COL6A2: variants seen among roughly 807,000 people sequenced by gnomAD.
COL6A2 encodes the protein collagen type VI alpha 2 chain, also known as collagen alpha-2(VI) chain.
COL6A2 carries 90 observed loss-of-function variants against 124.9 expected under a neutral mutation model. The ratio of observed to expected loss-of-function variants is 0.72; its 90% confidence interval spans 0.61 to 0.86. The LOEUF (loss-of-function observed/expected upper bound fraction) is 0.86. Among genes scored for constraint, COL6A2 ranks in the 40% least tolerant of loss-of-function variants. The pLI, the probability that COL6A2 is intolerant of heterozygous loss-of-function variation, is 0.00. For missense variants in COL6A2, 1,607 were observed against 1,502.5 expected, an observed-to-expected ratio of 1.07 and a Z score of -1.15; for synonymous variants, 793 against 618.2, an observed-to-expected ratio of 1.28 and a Z score of -4.19.
intron 27 of COL6A2, among the ~76,000 whole-genome samples, chr21:46,130,429 G>T (rs907796018): frequency 2.0e-5 from 3 of 152,204 alleles, no homozygotes; most frequent in Admixed American, 6.5e-5. Flanking sequence ...ATCCAGGCTG[G>T]GCTCCTGCCG....
rs139401048 is a variant in COL6A2, at chr21:46,107,695, T to G, written c.-27-3755T>G. On this transcript the variant is annotated intron_variant, in intron 1 of 27. Transcript: ENST00000300527. ...TTTTATCTTAACCTGAGCATTTCCT[T>G]TCTATGATCCCAGGTCTTTAGACAA... Among the ~76,000 whole-genome samples the G allele has an allele frequency of 3.3e-4, 51 of 152,344 alleles. No individual in the cohort carries two copies. The East Asian group carries it at 9.4e-3, about 28-fold the overall frequency.
At chr21:46,121,535 G>A (rs1426042192) in intron 17 of COL6A2, 21 bp from the exon 18 acceptor site, 2 of 1,612,522 alleles carry the variant, frequency 1.2e-6, no homozygotes, top group South Asian at 2.2e-5. Flanking sequence ...GCTGACTTCT[G>A]AATTTCTCTC....
rs13050660 is a variant in COL6A2 at position 46,126,330 on chromosome 21, T to C, written c.2422+93T>C. 894,665 of 1,519,350 alleles carry C rather than the reference T, an allele frequency of 0.59. 265,547 individuals carry two copies. The highest frequency in any genetic ancestry group is 0.69 in the Admixed American group (41,156 of 59,576). The allele number at this position is 1,519,350 out of a possible 1,614,324, so 94.1% of individuals were successfully genotyped here. ...CCAGGGACACCCCTCACCTGAGGGA[T>C]GAATGTGCAGCCCAGGATCTTGGGC... On this transcript the variant is annotated intron_variant, in intron 26 of 27. Transcript: ENST00000300527.
intron 21 of COL6A2, among the ~76,000 whole-genome samples, chr21:46,124,312 GGTGGATGGGTGGGC>G (rs1254402914): frequency 1.3e-5 from 2 of 150,226 alleles, no homozygotes; most frequent in African/African-American, 5.0e-5. Flanking sequence ...TGGGCGAATG[GGTGGATGGGTGGGC>G]GTGGAGTTGG....
Position 46,132,239 on chromosome 21 carries a change from AC to A in COL6A2, c.2748del (p.His916GlnfsTer124). 1 of 1,602,392 alleles carries A rather than the reference AC, an allele frequency of 6.2e-7. No homozygotes were observed. Among genetic ancestry groups the A allele is most frequent in the East Asian group, 2.3e-5 (1 of 44,320 alleles). On this transcript the variant is annotated frameshift_variant, in exon 28 of 28. Coordinates refer to ENST00000300527, the MANE Select transcript of COL6A2 (RefSeq NM_001849.4). LOFTEE classifies it high-confidence loss of function. Reference sequence around the variant, plus strand: ...ACACAATACCTGAACTCCTTCTCGCACGTGGGCGCAGGCGTGGTGCACGCCA... The same window carrying A: ...ACACAATACCTGAACTCCTTCTCGCAGTGGGCGCAGGCGTGGTGCACGCCA... Reference protein sequence around the residue: ...ETTQYLNSFSHVGAGVVHAIN... With the variant: ...ETTQYLNSFSXVGAGVVHAIN...
intron 27 of COL6A2, among the ~76,000 whole-genome samples, chr21:46,130,888 G>A (rs1282101086): frequency 2.0e-5 from 3 of 152,202 alleles, no homozygotes; most frequent in African/African-American, 4.8e-5. Context: ...CTGCCAGCTC[G>A]TGCGTGCTCA....
chr21:46,112,760 G>T (rs1164900302), intron 3 of COL6A2, 44 bp from the exon 4 acceptor site: 2 of 1,613,608 alleles, frequency 1.2e-6, no homozygotes, highest in Non-Finnish European at 1.7e-6. Context: ...GCCGCCCCAG[G>T]TCTCGAGGCA....
chr21:46,116,140 C>T lies in COL6A2; in HGVS notation c.900+87C>T, dbSNP rs2078466820. ...CCCCCCAGCCCAGCCTCGGCCTCAG[C>T]CTCTACGACCCTCCCCCCAGTTACC... On this transcript the variant is annotated intron_variant, in intron 7 of 27. Transcript: ENST00000300527. This position sits in a 1 kb window ranked among gnomAD's most constrained non-coding sequence, Gnocchi z 4.6. 8.9e-6 allele frequency: 12 copies of T among 1,344,236 alleles called. No homozygotes were observed. In the South Asian group the frequency reaches 1.5e-4, roughly 17 times the overall value. The allele number at this position is 1,344,236 out of a possible 1,614,324, so 83.3% of individuals were successfully genotyped here.
chr21:46,118,396 A>C (rs2070577), intron 12 of COL6A2, among the ~76,000 whole-genome samples: 1 of 152,096 alleles, frequency 6.6e-6, no homozygotes, highest in Non-Finnish European at 1.5e-5. Flanking sequence ...GAGTCCTCTG[A>C]GCAGATGCAC....
At chr21:46,114,165 A>G (rs1017780384) in intron 5 of COL6A2, 92 bp downstream of exon 5, 73 of 1,074,340 alleles carry the variant, frequency 6.8e-5, no homozygotes, top group East Asian at 5.7e-4. Flanking sequence ...GGTGGCTCAT[A>G]CCTGTAATCC....
At chr21:46,128,764 T>C (rs1051887790) in intron 27 of COL6A2, 27 of 786,488 alleles carry the variant, frequency 3.4e-5, no homozygotes, top group Admixed American at 2.5e-4. Context: ...TGTAGAGGAC[T>C]CACATCCCAG....
chr21:46,112,651 A>C lies in COL6A2; in HGVS notation c.714+74A>C, dbSNP rs1338607987. On this transcript the variant is annotated intron_variant, in intron 3 of 27. Coordinates refer to ENST00000300527, the MANE Select transcript of COL6A2 (RefSeq NM_001849.4). The stretch of plus-strand genomic sequence containing the variant: ...GGGCCGTCCACCCACTCCGGGCCTC[A>C]CTTTACCCCTCTGTGAGTGCGGAGG... The C allele has an allele frequency of 1.9e-6, 3 of 1,593,810 alleles. No homozygotes were observed. In the African/African-American group the frequency reaches 4.0e-5, roughly 21 times the overall value.
At chr21:46,124,856 G>A in intron 22 of COL6A2, 29 bp from the exon 23 acceptor site, 1 of 1,612,842 alleles carries the variant, frequency 6.2e-7, no homozygotes, top group Non-Finnish European at 8.5e-7. Context: ...CTTGGCCCCA[G>A]AGTCTCAGCC....
At chr21:46,129,344 G>C in intron 27 of COL6A2, 2 of 1,612,950 alleles carry the variant, frequency 1.2e-6, no homozygotes, top group Non-Finnish European at 8.5e-7. Flanking sequence ...ACTCCCAGCT[G>C]GTGGCCGTGC....
Position 46,124,668 on chromosome 21 carries a change from T to C in COL6A2, c.1689T>C (p.Pro563=), listed in dbSNP as rs754950761. 6.2e-7 allele frequency: 1 copy of C among 1,612,880 alleles called. No individual in the cohort carries two copies. Among genetic ancestry groups the C allele is most frequent in the Non-Finnish European group, 8.5e-7 (1 of 1,179,910 alleles). The change falls in exon 22 of 28, where the codon CCT becomes CCC. Residue 563 remains proline, a synonymous_variant. Transcript: ENST00000300527. ...CTTCTCAGGCGGATCCTGGTCCCCC[T>C]GGTGAGCCAGGCCCTCGGGGGCCAA... ...EKGEPADPGP[P]GEPGPRGPRG...
intron 17 of COL6A2, 28 bp downstream of exon 17, chr21:46,121,151 C>T (rs369738190): frequency 6.8e-6 from 11 of 1,609,832 alleles, no homozygotes; most frequent in Non-Finnish European, 9.3e-6. Context: ...AGGCCGGTGC[C>T]CTCTGACCCC....
In COL6A2 at chr21:46,123,531, G is replaced by C. The variant is rs1003982150; in HGVS notation, c.1671+594G>C. ...TGGATGGATGGGCAAGTGGATGGGG[G>C]TGGGCAAATGGATGGATGGGAGGAT... On this transcript the variant is annotated intron_variant, in intron 21 of 27. Transcript: ENST00000300527. Among the ~76,000 whole-genome samples, 31 of 151,876 alleles carry C rather than the reference G, an allele frequency of 2.0e-4. 1 individual carries two copies. The highest frequency in any genetic ancestry group is 4.4e-5 in the Non-Finnish European group (3 of 67,882).
intron 14 of COL6A2, 62 bp downstream of exon 14, chr21:46,119,181 A>G: frequency 7.6e-7 from 1 of 1,324,132 alleles, no homozygotes; most frequent in East Asian, 2.4e-5. Context: ...CAGCTTGAGG[A>G]GGACCATGGG....
intron 3 of COL6A2, 28 bp from the exon 4 acceptor site, chr21:46,112,776 C>G (rs919133619): frequency 1.2e-6 from 2 of 1,613,748 alleles, no homozygotes; most frequent in African/African-American, 2.7e-5. Context: ...AGGCACACGG[C>G]TAACCAGCAT....
Sources: allele counts gnomAD v4.1 joint callset (sites outside exome capture counted in the v4.1 genomes callset), GRCh38; gene constraint gnomAD v4.1.1; non-coding constraint Gnocchi (gnomAD v3.1); transcripts MANE v1.5; gene names NCBI Gene and HGNC (gene_info 2026-07-23, HGNC 2026-07-21).